The following EFHB variants were observed in gnomAD, a reference collection of about 807,000 sequenced individuals.
The protein encoded by EFHB is EF-hand domain family member B, also known as EF-hand domain-containing family member B.
EFHB carries 91 observed loss-of-function variants against 87.2 expected under a neutral mutation model. That is an observed-to-expected ratio of 1.04 (90% confidence interval 0.88 to 1.24). EFHB has a LOEUF of 1.24. Among genes scored for constraint, EFHB ranks in the 50% most tolerant of loss-of-function variants. The pLI, the probability that EFHB is intolerant of heterozygous loss-of-function variation, is 0.00. For missense variants in EFHB, 1,084 were observed against 998.8 expected (o/e 1.09, Z -1.15); for synonymous variants, 325 against 333.6 (o/e 0.97, Z 0.28).
At chr3:19,921,624 C>G (rs574929523) in intron 1 of EFHB, among the ~76,000 whole-genome samples, 53 of 152,000 alleles carry the variant, frequency 3.5e-4, no homozygotes, top group Non-Finnish European at 5.4e-4. Flanking sequence ...TAAGAAGCAG[C>G]CCAGTCTTAA....
Position 19,920,908 on chromosome 3 carries a change from T to C in EFHB, c.790-341A>G, listed in dbSNP as rs75035524. Among the ~76,000 whole-genome samples the C allele has an allele frequency of 8.1e-4, 123 of 152,264 alleles. 1 individual carries two copies. The highest frequency in any genetic ancestry group is 2.8e-3 in the African/African-American group (118 of 41,540). On this transcript the variant is annotated intron_variant, in intron 1 of 12. Coordinates refer to ENST00000295824, the MANE Select transcript of EFHB (RefSeq NM_144715.4). ...ATCACAGGTTAATTATTCATTGTTC[T>C]ATATAACAGTGAAATAGAAGTATGA...
chr3:19,890,922 A>G (rs1694284953), intron 9 of EFHB, among the ~76,000 whole-genome samples: 1 of 152,182 alleles, frequency 6.6e-6, no homozygotes, highest in Non-Finnish European at 1.5e-5. Context: ...AGGCCGGCCA[A>G]CTTGGACTAA....
chr3:19,904,329 A>G (rs551612215), intron 6 of EFHB, among the ~76,000 whole-genome samples: 1 of 152,306 alleles, frequency 6.6e-6, no homozygotes, highest in African/African-American at 2.4e-5. Context: ...GTAAGGCCAC[A>G]TTTCCTCTAA....
rs776619228 is a variant in EFHB at position 19,888,629 on chromosome 3, TTATC to T, written c.1744_1747del (p.Asp582LysfsTer13). The T allele has an allele frequency of 1.2e-6, 2 of 1,606,402 alleles. No homozygotes were observed. Among genetic ancestry groups the T allele is most frequent in the Admixed American group, 3.4e-5 (2 of 59,154 alleles). On this transcript the variant is annotated frameshift_variant, in exon 10 of 13. Coordinates refer to ENST00000295824, the MANE Select transcript of EFHB (RefSeq NM_144715.4). LOFTEE classifies it high-confidence loss of function. ...GTCACAAGCTTCCTGCAGCTCGTCT[TTATC>T]TATCATCCCATCTCCCTTCTGTTAT...
chr3:19,939,529 C>T (rs184460762), intron 1 of EFHB, among the ~76,000 whole-genome samples: 2,076 of 151,160 alleles, frequency 0.014, 23 homozygotes, highest in South Asian at 0.057. Flanking sequence ...GGACTACAGG[C>T]GCCCGCCACC....
chr3:19,933,620 C>T lies in EFHB; in HGVS notation c.399G>A (p.Val133=). The T allele has an allele frequency of 6.2e-7, 1 of 1,614,048 alleles. No individual in the cohort carries two copies. The highest frequency in any genetic ancestry group is 8.5e-7 in the Non-Finnish European group (1 of 1,179,896). The change falls in exon 1 of 13, where the codon GTG becomes GTA. Residue 133 remains valine, a synonymous_variant. Coordinates refer to ENST00000295824, the MANE Select transcript of EFHB (RefSeq NM_144715.4). ...TCCCTGCAGCCTGTGAACTTCCACA[C>T]ACCCTGCCCAAAGGAGGCTGTATTA... ...ERIIQPPLGR[V]CGSSQAAGSR... is the part of the protein sequence containing the mutation.
chr3:19,921,175 T>C (rs1695423765), intron 1 of EFHB, among the ~76,000 whole-genome samples: 1 of 151,718 alleles, frequency 6.6e-6, no homozygotes, highest in African/African-American at 2.4e-5. Context: ...AGCAGAGAAA[T>C]TGAGAATGGA....
At chr3:19,890,231 CTAGTG>C (rs1694258290) in intron 9 of EFHB, among the ~76,000 whole-genome samples, 1 of 152,188 alleles carries the variant, frequency 6.6e-6, no homozygotes, top group South Asian at 2.1e-4. Flanking sequence ...TTCTTACTTA[CTAGTG>C]CAAAGCCATT....
chr3:19,933,787 T>G lies in EFHB; in HGVS notation c.232A>C (p.Asn78His). ...CTCTGCATGACAGTCCTAGAAATATTCTGTCTTTCTAATCCCATTTCAAGC... is the reference window on the plus strand; with the variant it reads ...CTCTGCATGACAGTCCTAGAAATATGCTGTCTTTCTAATCCCATTTCAAGC... ...KGLEMGLERQNISRTVMQRGS... is the reference protein window; with the variant it reads ...KGLEMGLERQHISRTVMQRGS... Residue 78 changes from asparagine to histidine, a missense_variant, in exon 1 of 13, where the codon AAT (asparagine) becomes CAT (histidine). Asn to His is a moderately conservative substitution (Grantham distance 68, BLOSUM62 1). Coordinates refer to ENST00000295824, the MANE Select transcript of EFHB (RefSeq NM_144715.4). 6.2e-7 allele frequency: 1 copy of G among 1,613,994 alleles called. No individual in the cohort carries two copies. The highest frequency in any genetic ancestry group is 1.3e-5 in the African/African-American group (1 of 75,048).
chr3:19,892,838 G>A (rs745817351), intron 9 of EFHB, among the ~76,000 whole-genome samples: 7 of 124,840 alleles, frequency 5.6e-5, no homozygotes, highest in Non-Finnish European at 9.7e-5. Context: ...CTGGGCAACA[G>A]AGTGAGAATC....
chr3:19,898,959 A>G (rs1694577486), intron 7 of EFHB, 114 bp from the exon 8 acceptor site: 1 of 996,804 alleles, frequency 1.0e-6, no homozygotes, highest in South Asian at 1.6e-5. Flanking sequence ...TAACCAAACT[A>G]TGAAGATCAA....
intron 1 of EFHB, chr3:19,940,628 C>T: frequency 4.7e-6 from 2 of 423,512 alleles, no homozygotes; most frequent in Non-Finnish European, 9.4e-6. Context: ...GCCTCCTGGA[C>T]CACACATTTA....
In EFHB at chr3:19,931,169, C is replaced by G. The variant is rs114308697; in HGVS notation, c.789+2061G>C. 6.0e-3 allele frequency among the ~76,000 whole-genome samples: 908 copies of G among 151,974 alleles called. 7 individuals carry two copies. Among genetic ancestry groups the G allele is most frequent in the African/African-American group, 0.021 (885 of 41,456 alleles). Reference sequence around the variant, plus strand: ...TGGAGTGAGACTCTGTCTCAAAAAACAAAACAAAACAAAAAAACCCTCCTG... The same window carrying G: ...TGGAGTGAGACTCTGTCTCAAAAAAGAAAACAAAACAAAAAAACCCTCCTG... On this transcript the variant is annotated intron_variant, in intron 1 of 12. Transcript: ENST00000295824.
chr3:19,938,694 T>G (rs1696078517), upstream of EFHB, among the ~76,000 whole-genome samples: 1 of 152,160 alleles, frequency 6.6e-6, no homozygotes, highest in Non-Finnish European at 1.5e-5. Context: ...ACCTTTACAC[T>G]GGCCTTCATG....
At chr3:19,917,314 G>A (rs868461487) in intron 4 of EFHB, among the ~76,000 whole-genome samples, 7 of 151,890 alleles carry the variant, frequency 4.6e-5, no homozygotes, top group Middle Eastern at 3.5e-3. Context: ...CATTTTTCAT[G>A]TGTCATATTT....
intron 6 of EFHB, among the ~76,000 whole-genome samples, chr3:19,905,213 C>G (rs1478885769): frequency 6.6e-6 from 1 of 152,126 alleles, no homozygotes; most frequent in Non-Finnish European, 1.5e-5. Context: ...GAAGGCCCTA[C>G]TGTACTCCAG....
intron 10 of EFHB, among the ~76,000 whole-genome samples, chr3:19,885,348 G>A (rs1574990462): frequency 6.6e-6 from 1 of 152,154 alleles, no homozygotes; most frequent in African/African-American, 2.4e-5. Flanking sequence ...ACTTGACTGG[G>A]GGGAGCATGC....
intron 11 of EFHB, 83 bp from the exon 12 acceptor site, chr3:19,882,814 G>A: frequency 8.0e-7 from 1 of 1,243,508 alleles, no homozygotes; most frequent in Non-Finnish European, 1.1e-6. Context: ...TGTGCATACT[G>A]AGCACTTAAA....
chr3:19,935,780 G>C (rs1337578397), upstream of EFHB, among the ~76,000 whole-genome samples: 1 of 151,780 alleles, frequency 6.6e-6, no homozygotes, highest in Non-Finnish European at 1.5e-5. Context: ...GGGAGGTAGA[G>C]GCGGGTGGAT....
Sources: gnomAD v4.1 joint callset for allele counts (sites outside exome capture counted in the v4.1 genomes callset) on GRCh38, gnomAD v4.1.1 for gene constraint, MANE v1.5 for transcripts, NCBI Gene and HGNC (gene_info 2026-07-23, HGNC 2026-07-21) for gene names.